Variants in PALS2 observed in about 807,000 individuals in gnomAD.
The protein encoded by PALS2 is protein associated with LIN7 2, MAGUK p55 family member.
A neutral mutation model predicts 61.6 loss-of-function variants in PALS2; 27 were observed. The observed-to-expected ratio is 0.44, with a 90% confidence interval of 0.32 to 0.60. The LOEUF is 0.60. Ranked by LOEUF, PALS2 falls within the 20% of genes least tolerant of loss-of-function variation. The pLI, the probability that PALS2 is intolerant of heterozygous loss-of-function variation, is 0.05. For missense variants in PALS2, 554 were observed against 639.4 expected (o/e 0.87, Z 1.44); for synonymous variants, 236 against 218.6 (o/e 1.08, Z -0.70).
chr7:24,661,754 A>G (rs1473629874), intron 5 of PALS2, among the ~76,000 whole-genome samples: 1 of 152,188 alleles, frequency 6.6e-6, no homozygotes, highest in East Asian at 1.9e-4. Flanking sequence ...GAAGTAATAA[A>G]ATGGTCTAGT....
intron 1 of PALS2, among the ~76,000 whole-genome samples, chr7:24,602,222 T>G (rs1783744992): frequency 1.3e-5 from 2 of 152,306 alleles, no homozygotes; most frequent in Admixed American, 1.3e-4. Flanking sequence ...TGTAACTATC[T>G]TATTCTAGTT....
chr7:24,665,780 A>T, intron 7 of PALS2, 93 bp downstream of exon 7: 1 of 1,190,342 alleles, frequency 8.4e-7, no homozygotes, highest in African/African-American at 1.5e-5. Context: ...TTTATTTAAA[A>T]TATGTCTAGA....
chr7:24,635,201 A>T (rs1247585399), intron 2 of PALS2, among the ~76,000 whole-genome samples: 1 of 152,186 alleles, frequency 6.6e-6, no homozygotes, highest in African/African-American at 2.4e-5. Flanking sequence ...ATCCATAAAC[A>T]TTTATTTAAA....
chr7:24,583,319 A>C (rs960520409), intron 1 of PALS2, among the ~76,000 whole-genome samples: 1 of 152,194 alleles, frequency 6.6e-6, no homozygotes, highest in Non-Finnish European at 1.5e-5. Context: ...TTGTGAGACA[A>C]AGTAGTCTCA....
intron 1 of PALS2, among the ~76,000 whole-genome samples, chr7:24,600,987 A>G (rs1783701743): frequency 6.6e-6 from 1 of 152,156 alleles, no homozygotes; most frequent in Non-Finnish European, 1.5e-5. Flanking sequence ...ATGAAAGACT[A>G]GAGGTGCTCC....
At chr7:24,647,997 T>G (rs979365922) in intron 3 of PALS2, among the ~76,000 whole-genome samples, 1 of 152,124 alleles carries the variant, frequency 6.6e-6, no homozygotes, top group Non-Finnish European at 1.5e-5. Context: ...CAAAGGAGGA[T>G]ATAGGGTGGA....
Position 24,575,604 on chromosome 7 carries a change from C to A in PALS2, c.-3+2011C>A, listed in dbSNP as rs1334847612. Among the ~76,000 whole-genome samples the A allele has an allele frequency of 2.6e-5, 4 of 152,110 alleles. No individual in the cohort carries two copies. The East Asian group carries it at 5.8e-4, about 22-fold the overall frequency. On this transcript the variant is annotated intron_variant, in intron 1 of 11. Coordinates refer to ENST00000222644, the MANE Select transcript of PALS2 (RefSeq NM_001303037.2). ...AGTTGCTTGTTTGAATATTTACTAT[C>A]CCTTTACATGCTTTACTACTTAATA...
chr7:24,670,946 CTG>C (rs1463939321), intron 9 of PALS2, among the ~76,000 whole-genome samples: 1 of 152,064 alleles, frequency 6.6e-6, no homozygotes, highest in Non-Finnish European at 1.5e-5. Flanking sequence ...GACATTTGGA[CTG>C]TTTTATTTTT....
At position 24,663,578 on chromosome 7, in the gene PALS2, T is replaced by C; in HGVS notation, c.652-12T>C. 1 of 1,573,562 alleles carries C rather than the reference T, an allele frequency of 6.4e-7. No individual in the cohort carries two copies. The highest frequency in any genetic ancestry group is 2.3e-5 in the East Asian group (1 of 44,376). ...ACAACTATAGTATTTTTAATTGTGC[T>C]ATGTGTTTTAGGTATTTGTGAAGTG... On this transcript the variant is annotated splice_polypyrimidine_tract_variant and intron_variant, in intron 5 of 11. Transcript: ENST00000222644.
At chr7:24,590,739 C>T (rs753160929) in intron 1 of PALS2, among the ~76,000 whole-genome samples, 4 of 151,932 alleles carry the variant, frequency 2.6e-5, no homozygotes, top group Non-Finnish European at 4.4e-5. Context: ...CTTCTGAACT[C>T]CTGGTTACTG....
chr7:24,641,826 T>C lies in PALS2; in HGVS notation c.228T>C (p.Asn76=), dbSNP rs765178513. Residue 76 remains asparagine (N), a synonymous_variant, in exon 3 of 12, where the codon AAT becomes AAC. Coordinates refer to ENST00000222644, the MANE Select transcript of PALS2 (RefSeq NM_001303037.2). The part of the protein sequence containing the change: ...DITPLINVDE[N]VAELVGILKE... Reference sequence around the variant, plus strand: ...CTCCTCTAATAAATGTGGATGAAAATGTGGCAGAATTGGTTGGTATACTCA... The same window carrying C: ...CTCCTCTAATAAATGTGGATGAAAACGTGGCAGAATTGGTTGGTATACTCA... 1.9e-6 allele frequency: 3 copies of C among 1,613,224 alleles called. No homozygotes were observed. The highest frequency in any genetic ancestry group is 2.5e-6 in the Non-Finnish European group (3 of 1,179,696).
intron 1 of PALS2, among the ~76,000 whole-genome samples, chr7:24,589,759 C>T (rs1333116152): frequency 6.6e-6 from 1 of 152,142 alleles, no homozygotes; most frequent in Admixed American, 6.5e-5. Context: ...TTAAAATCAG[C>T]ATGGAAGAAT....
At chr7:24,593,115 T>C (rs542449373) in intron 1 of PALS2, among the ~76,000 whole-genome samples, 1 of 152,242 alleles carries the variant, frequency 6.6e-6, no homozygotes, top group East Asian at 1.9e-4. Context: ...CTAAATTCTT[T>C]GTTGTCATTT....
chr7:24,679,496 C>G (rs1422072454), intron 10 of PALS2, among the ~76,000 whole-genome samples, 163 bp downstream of exon 10: 1 of 152,086 alleles, frequency 6.6e-6, no homozygotes, highest in Non-Finnish European at 1.5e-5. Flanking sequence ...GTATACATAG[C>G]TAGTTAAATA....
chr7:24,604,558 G>GA (rs2128049013), intron 1 of PALS2, among the ~76,000 whole-genome samples: 1 of 152,160 alleles, frequency 6.6e-6, no homozygotes, highest in African/African-American at 2.4e-5. Flanking sequence ...GAGAGAGACA[G>GA]AAAAAAATAT....
chr7:24,574,223 C>G (rs888010389), intron 1 of PALS2: 1 of 152,242 alleles, frequency 6.6e-6, no homozygotes, highest in Non-Finnish European at 1.5e-5. Flanking sequence ...GGCTGTGGGC[C>G]GAGCACAGGC....
At chr7:24,681,955 G>C (rs1267486826) in intron 11 of PALS2, among the ~76,000 whole-genome samples, 6 of 152,112 alleles carry the variant, frequency 3.9e-5, no homozygotes, top group Non-Finnish European at 7.4e-5. Flanking sequence ...TCTAACATTT[G>C]AGTCAGTTCT....
At chr7:24,671,973 G>A (rs1324130864) in intron 9 of PALS2, among the ~76,000 whole-genome samples, 2 of 151,554 alleles carry the variant, frequency 1.3e-5, no homozygotes, top group African/African-American at 2.4e-5. Context: ...ACCAGGAATT[G>A]TGAACCCAAC....
At chr7:24,583,265 AG>A (rs894399950) in intron 1 of PALS2, among the ~76,000 whole-genome samples, 12 of 151,890 alleles carry the variant, frequency 7.9e-5, no homozygotes, top group African/African-American at 2.7e-4. Flanking sequence ...AATGGAGGTC[AG>A]TAAAAAAAAA....
Sources: allele counts gnomAD v4.1 joint callset (sites outside exome capture counted in the v4.1 genomes callset), GRCh38; gene constraint gnomAD v4.1.1; transcripts MANE v1.5; gene names NCBI Gene and HGNC (gene_info 2026-07-23, HGNC 2026-07-21).